MAGI2: variants seen among roughly 807,000 people sequenced by gnomAD.
MAGI2 encodes membrane-associated guanylate kinase, WW and PDZ domain-containing protein 2.
A neutral mutation model predicts 133.3 loss-of-function variants in MAGI2; 35 were observed. That is an observed-to-expected ratio of 0.26 (90% CI 0.20 to 0.35). The LOEUF is 0.35. Among genes scored for constraint, MAGI2 ranks in the 10% least tolerant of loss-of-function variants. The pLI, the probability that MAGI2 is intolerant of heterozygous loss-of-function variation, is 1.00. For synonymous variants in MAGI2, 729 were observed against 710.6 expected, an observed-to-expected ratio of 1.03 and a Z score of -0.41; for missense variants, 1,636 against 1,863.4, an observed-to-expected ratio of 0.88 and a Z score of 2.25.
intron 2 of MAGI2, among the ~76,000 whole-genome samples, chr7:78,842,979 T>G (rs1334370963): frequency 6.6e-6 from 1 of 151,944 alleles, no homozygotes; most frequent in Non-Finnish European, 1.5e-5. Flanking sequence ...AAGCTTTAAA[T>G]ATTTAATGAC....
chr7:79,452,984 C>T, intron 1 of MAGI2, 36 bp downstream of exon 1: 1 of 1,513,294 alleles, frequency 6.6e-7, no homozygotes, highest in Non-Finnish European at 8.8e-7. Flanking sequence ...GCGGTCCCAC[C>T]GCCCGGCAAA....
intron 1 of MAGI2, among the ~76,000 whole-genome samples, chr7:79,229,062 C>A (rs1317600057): frequency 1.3e-5 from 2 of 150,514 alleles, no homozygotes; most frequent in Non-Finnish European, 2.9e-5. Flanking sequence ...AAGTAAAGCT[C>A]TGCAGGATGT....
intron 9 of MAGI2, among the ~76,000 whole-genome samples, chr7:78,261,583 G>C (rs1283376985): frequency 6.6e-6 from 1 of 152,106 alleles, no homozygotes; most frequent in Non-Finnish European, 1.5e-5. Flanking sequence ...GATTTAGTCA[G>C]AGGAAACCAG....
intron 6 of MAGI2, among the ~76,000 whole-genome samples, chr7:78,457,578 A>C (rs1041429262): frequency 2.0e-5 from 3 of 152,234 alleles, no homozygotes; most frequent in African/African-American, 7.2e-5. Context: ...TGACATATTA[A>C]AACATGATAG....
At chr7:78,131,073 T>C (rs1225828426) in intron 18 of MAGI2, among the ~76,000 whole-genome samples, 1 of 152,208 alleles carries the variant, frequency 6.6e-6, no homozygotes, top group African/African-American at 2.4e-5. Context: ...TAATCGACAG[T>C]GGCAAGAAGA....
intron 3 of MAGI2, among the ~76,000 whole-genome samples, chr7:78,556,362 G>A (rs1274584029): frequency 1.3e-5 from 2 of 152,190 alleles, no homozygotes; most frequent in African/African-American, 4.8e-5. Context: ...ATACTGGTTT[G>A]GGAAGTGTGT....
At chr7:79,068,424 G>C (rs1814598320) in intron 1 of MAGI2, among the ~76,000 whole-genome samples, 1 of 151,932 alleles carries the variant, frequency 6.6e-6, no homozygotes, top group African/African-American at 2.4e-5. Flanking sequence ...TATTTTTGTG[G>C]GATCAGTGGT....
chr7:79,245,884 G>A (rs113039173), intron 1 of MAGI2, among the ~76,000 whole-genome samples: 5,616 of 152,170 alleles, frequency 0.037, 162 homozygotes, highest in African/African-American at 0.072. Context: ...GGCCAGAGGA[G>A]TGCTGGAGTC....
At chr7:78,422,766 T>C (rs1798917792) in intron 6 of MAGI2, among the ~76,000 whole-genome samples, 1 of 152,170 alleles carries the variant, frequency 6.6e-6, no homozygotes, top group Admixed American at 6.5e-5. Flanking sequence ...GTCATTAATG[T>C]CTAATTATTT....
At chr7:79,029,471 G>T (rs375482006) in intron 1 of MAGI2, among the ~76,000 whole-genome samples, 2 of 151,976 alleles carry the variant, frequency 1.3e-5, no homozygotes, top group African/African-American at 4.8e-5. Flanking sequence ...CAGTTTCATA[G>T]CTATCATTAT....
At chr7:78,866,367 G>A (rs1237693359) in intron 2 of MAGI2, among the ~76,000 whole-genome samples, 2 of 151,816 alleles carry the variant, frequency 1.3e-5, no homozygotes, top group African/African-American at 4.8e-5. Context: ...TATGCTAACT[G>A]AATAGACATA....
intron 6 of MAGI2, among the ~76,000 whole-genome samples, chr7:78,447,728 G>A (rs1204435539): frequency 2.6e-5 from 4 of 152,192 alleles, no homozygotes; most frequent in African/African-American, 9.7e-5. Flanking sequence ...AGAAAGCAAT[G>A]AATAGATACA....
intron 21 of MAGI2, among the ~76,000 whole-genome samples, chr7:78,048,084 G>A (rs1811619494): frequency 6.6e-6 from 1 of 152,200 alleles, no homozygotes; most frequent in Non-Finnish European, 1.5e-5. Context: ...CAGTGCCAAA[G>A]TAAGTGCCTT....
intron 4 of MAGI2, among the ~76,000 whole-genome samples, chr7:78,503,581 T>TCCTCCTCCC (rs1563093361): frequency 1.9e-3 from 29 of 15,052 alleles, no homozygotes; most frequent in Non-Finnish European, 2.6e-3. Context: ...CTCCTCCCCC[T>TCCTCCTCCC]CCTCCTCCTC....
At position 79,136,112 on chromosome 7, in the gene MAGI2, AG is replaced by A. The variant is rs760167379; in HGVS notation, c.302-128907del. On this transcript the variant is annotated intron_variant, in intron 1 of 21. Transcript: ENST00000354212. ...AAGAAAGAAAGAAAGAAAGAAAGAA[AG>A]AAAGAAAGAAAGAAAGACACAAAAG... is the stretch of plus-strand genomic sequence containing the variant. 2.6e-5 allele frequency among the ~76,000 whole-genome samples: 4 copies of A among 151,300 alleles called. No homozygotes were observed. In the South Asian group the frequency reaches 6.4e-4, roughly 24 times the overall value.
intron 1 of MAGI2, among the ~76,000 whole-genome samples, chr7:79,102,399 TC>T (rs1818060786): frequency 6.6e-6 from 1 of 152,218 alleles, no homozygotes; most frequent in South Asian, 2.1e-4. Flanking sequence ...AAATTCTAGA[TC>T]TTTTATTTCA....
At chr7:78,932,097 T>C (rs1256581377) in intron 2 of MAGI2, among the ~76,000 whole-genome samples, 1 of 151,698 alleles carries the variant, frequency 6.6e-6, no homozygotes, top group Non-Finnish European at 1.5e-5. Flanking sequence ...ATCTTTTTCA[T>C]GTATGCCCAA....
At chr7:78,775,148 C>T (rs972396907) in intron 2 of MAGI2, among the ~76,000 whole-genome samples, 1 of 150,810 alleles carries the variant, frequency 6.6e-6, no homozygotes, top group African/African-American at 2.4e-5. Context: ...CCCATCTCTA[C>T]CAAAAATACA....
intron 1 of MAGI2, among the ~76,000 whole-genome samples, chr7:79,133,885 T>TCCA (rs1187186023): frequency 6.6e-6 from 1 of 152,186 alleles, no homozygotes; most frequent in Admixed American, 6.5e-5. Context: ...GGGGTACCAC[T>TCCA]GGGACCCATG....
Sources: allele counts gnomAD v4.1 joint callset (sites outside exome capture counted in the v4.1 genomes callset), GRCh38; gene constraint gnomAD v4.1.1; transcripts MANE v1.5; gene names NCBI Gene and HGNC (gene_info 2026-07-23, HGNC 2026-07-21).